PRKAG2: variants seen among roughly 807,000 people sequenced by gnomAD.
The protein encoded by PRKAG2 is protein kinase AMP-activated non-catalytic subunit gamma 2, also known as 5'-AMP-activated protein kinase subunit gamma-2.
In PRKAG2, 26 loss-of-function variants were observed where a neutral mutation model predicts 69.6. The ratio of observed to expected loss-of-function variants is 0.37; its 90% CI spans 0.27 to 0.52. The LOEUF (loss-of-function observed/expected upper bound fraction) is 0.52, where lower values mean the gene tolerates loss of function less well. PRKAG2 is among the 20% of genes least tolerant of loss of function. The pLI is 0.90. For missense variants in PRKAG2, 557 were observed against 740.0 expected, an observed-to-expected ratio of 0.75 and a Z score of 2.87; for synonymous variants, 293 against 285.0, an observed-to-expected ratio of 1.03 and a Z score of -0.28.
chr7:151,837,978 C>T (rs556145912), intron 1 of PRKAG2, among the ~76,000 whole-genome samples: 4 of 152,162 alleles, frequency 2.6e-5, no homozygotes, highest in South Asian at 2.1e-4. Flanking sequence ...CTTGGAGACA[C>T]GCACAGGACC....
rs1246042948 is a variant in PRKAG2 at position 151,699,485 on chromosome 7, G to C, written c.467-23848C>G. Among the ~76,000 whole-genome samples the C allele has an allele frequency of 1.3e-5, 2 of 152,202 alleles. No individual in the cohort carries two copies. The highest frequency in any genetic ancestry group is 4.8e-5 in the African/African-American group (2 of 41,448). On this transcript the variant is annotated intron_variant, in intron 3 of 15. Transcript: ENST00000287878. The surrounding 1 kb of genome is among the most constrained non-coding windows in gnomAD (Gnocchi z 4.5). ...CTTTATCATGAAGGCCAGCACAGGAGGCCCCTCCTTCCTGTTGGAGATGTT... is the reference window on the plus strand; with the variant it reads ...CTTTATCATGAAGGCCAGCACAGGACGCCCCTCCTTCCTGTTGGAGATGTT...
At chr7:151,580,989 G>T (rs1227676554) in intron 6 of PRKAG2, among the ~76,000 whole-genome samples, 1 of 152,072 alleles carries the variant, frequency 6.6e-6, no homozygotes, top group Non-Finnish European at 1.5e-5. Context: ...AATGCTTGAG[G>T]TTATGGACAC....
chr7:151,829,489 G>A (rs929382490), intron 1 of PRKAG2, among the ~76,000 whole-genome samples: 3 of 151,966 alleles, frequency 2.0e-5, no homozygotes, highest in South Asian at 2.1e-4. Flanking sequence ...TAAATGTAAA[G>A]TCACAATATG....
chr7:151,652,737 G>C (rs1828741775), intron 4 of PRKAG2, among the ~76,000 whole-genome samples: 1 of 152,122 alleles, frequency 6.6e-6, no homozygotes, highest in Non-Finnish European at 1.5e-5. Context: ...CCAGGCTCAA[G>C]TGGTCCTTCT....
chr7:151,860,748 T>G (rs1563761981), intron 1 of PRKAG2, among the ~76,000 whole-genome samples: 1 of 152,138 alleles, frequency 6.6e-6, no homozygotes, highest in Non-Finnish European at 1.5e-5. Context: ...ATGAACTGAT[T>G]CCCAAGGATG....
rs547654059 is a variant in PRKAG2, at chr7:151,573,691, G to T, written c.1006-982C>A. Among the ~76,000 whole-genome samples, 41 of 152,150 alleles carry T rather than the reference G, an allele frequency of 2.7e-4. 1 individual carries two copies. Among genetic ancestry groups the T allele is most frequent in the Non-Finnish European group, 5.3e-4 (36 of 68,028 alleles). On this transcript the variant is annotated intron_variant, in intron 8 of 15. Coordinates refer to ENST00000287878, the MANE Select transcript of PRKAG2 (RefSeq NM_016203.4). ...CTATAAGGAAAGCCCGTGTTCACTT[G>T]CATTGGTAATATTGAAGAAATAATA...
intron 1 of PRKAG2, among the ~76,000 whole-genome samples, chr7:151,800,176 T>C (rs1285872299): frequency 6.6e-6 from 1 of 151,614 alleles, no homozygotes; most frequent in African/African-American, 2.4e-5. Context: ...GCTAACATGG[T>C]GAAACCCTGT....
In PRKAG2 at chr7:151,726,658, G is replaced by A. The variant is rs569870978; in HGVS notation, c.467-51021C>T. On this transcript the variant is annotated intron_variant, in intron 3 of 15. Transcript: ENST00000287878. Reference sequence around the variant, plus strand: ...TGATGAACTTCAACGCCGCACGCAGGCACGGCTGCATCTCACAAAGTGCAA... The same window carrying A: ...TGATGAACTTCAACGCCGCACGCAGACACGGCTGCATCTCACAAAGTGCAA... Among the ~76,000 whole-genome samples, 93 of 152,198 alleles carry A rather than the reference G, an allele frequency of 6.1e-4. 1 individual carries two copies. The highest frequency in any genetic ancestry group is 2.2e-3 in the African/African-American group (90 of 41,550).
intron 3 of PRKAG2, chr7:151,735,753 G>A (rs1799677302): frequency 1.1e-5 from 12 of 1,107,128 alleles, no homozygotes; most frequent in South Asian, 1.6e-5. Flanking sequence ...CACTTCCCAC[G>A]TATTCCTCTA....
At chr7:151,857,116 C>T (rs866228629) in intron 1 of PRKAG2, among the ~76,000 whole-genome samples, 2 of 136,756 alleles carry the variant, frequency 1.5e-5, no homozygotes, top group Non-Finnish European at 3.1e-5. Context: ...TAGGCAAGGG[C>T]TGATCATTGC....
chr7:151,735,220 A>T (rs1434884350), intron 3 of PRKAG2, among the ~76,000 whole-genome samples: 1 of 152,020 alleles, frequency 6.6e-6, no homozygotes, highest in African/African-American at 2.4e-5. Context: ...CCAGGTGTGG[A>T]GCTAAGAAAG....
In PRKAG2 at chr7:151,788,720, A is replaced by T. The variant is rs1401446146; in HGVS notation, c.115-2179T>A. The stretch of plus-strand genomic sequence containing the variant: ...TGTTGTATTCAAGAAATCACTGCCA[A>T]ATTCAGTGTCATGAAGCTTTTCCCG... On this transcript the variant is annotated intron_variant, in intron 1 of 15. Transcript: ENST00000287878. This position sits in a 1 kb window ranked among gnomAD's most constrained non-coding sequence, Gnocchi z 4.6. Among the ~76,000 whole-genome samples the T allele has an allele frequency of 1.3e-5, 2 of 152,178 alleles. No individual in the cohort carries two copies. Among genetic ancestry groups the T allele is most frequent in the Admixed American group, 6.5e-5 (1 of 15,282 alleles).
intron 1 of PRKAG2, among the ~76,000 whole-genome samples, chr7:151,842,716 GGTAGTGATGGTTGTGATA>G (rs986421760): frequency 2.0e-5 from 3 of 151,538 alleles, no homozygotes; most frequent in African/African-American, 7.3e-5. Flanking sequence ...AGCGATGGTA[GGTAGTGATGGTTGTGATA>G]GTAGTGATGG....
chr7:151,610,791 A>G (rs1818639969), intron 5 of PRKAG2, among the ~76,000 whole-genome samples: 1 of 129,562 alleles, frequency 7.7e-6, no homozygotes, highest in Non-Finnish European at 1.6e-5. Context: ...CCCAGGCTGC[A>G]GTGCAGTGGT....
intron 6 of PRKAG2, among the ~76,000 whole-genome samples, chr7:151,585,284 A>G (rs565953014): frequency 1.3e-3 from 195 of 152,320 alleles, no homozygotes; most frequent in African/African-American, 4.6e-3. Flanking sequence ...ATACATTCCC[A>G]CGCATCTTTT....
intron 1 of PRKAG2, among the ~76,000 whole-genome samples, chr7:151,863,752 GA>G (rs2079992517): frequency 6.6e-6 from 1 of 152,066 alleles, no homozygotes; most frequent in Non-Finnish European, 1.5e-5. Context: ...CCTTCTCTAT[GA>G]AAAATCAAAA....
chr7:151,730,169 T>C (rs1481308979), intron 3 of PRKAG2, among the ~76,000 whole-genome samples: 1 of 152,198 alleles, frequency 6.6e-6, no homozygotes, highest in East Asian at 1.9e-4. Context: ...CTGACCACAA[T>C]TAAAATCCCC....
At chr7:151,621,745 G>T (rs1383387014) in intron 5 of PRKAG2, among the ~76,000 whole-genome samples, 4 of 151,900 alleles carry the variant, frequency 2.6e-5, no homozygotes, top group Non-Finnish European at 5.9e-5. Context: ...GATAGTTTTT[G>T]TATTTTTTTT....
chr7:151,719,102 G>C lies in PRKAG2; in HGVS notation c.467-43465C>G, dbSNP rs942057822. ...GGAAATGGAGGGGACTGAAGGAGAC[G>C]TGTGCCACCCTGTTCCCCGAGCGTT... On this transcript the variant is annotated intron_variant, in intron 3 of 15. Coordinates refer to ENST00000287878, the MANE Select transcript of PRKAG2 (RefSeq NM_016203.4). This position sits in a 1 kb window ranked among gnomAD's most constrained non-coding sequence, Gnocchi z 5.2. Among the ~76,000 whole-genome samples, 1 of 152,146 alleles carries C rather than the reference G, an allele frequency of 6.6e-6. No individual in the cohort carries two copies. The highest frequency in any genetic ancestry group is 2.4e-5 in the African/African-American group (1 of 41,442).
Sources: allele counts gnomAD v4.1 joint callset (sites outside exome capture counted in the v4.1 genomes callset), GRCh38; gene constraint gnomAD v4.1.1; non-coding constraint Gnocchi (gnomAD v3.1); transcripts MANE v1.5; gene names NCBI Gene and HGNC (gene_info 2026-07-23, HGNC 2026-07-21).